Variants in SPATA31D1 observed in about 807,000 individuals in gnomAD.
SPATA31D1 encodes SPATA31 subfamily D member 1.
Under a neutral mutation model 13.2 loss-of-function variants are expected in SPATA31D1, and 6 were observed. The observed-to-expected ratio is 0.46, with a 90% CI of 0.25 to 0.90. The LOEUF is 0.90. Ranked by LOEUF, SPATA31D1 falls within the 40% of genes least tolerant of loss-of-function variation. The probability of loss-of-function intolerance (pLI) is 0.18; values close to 1 mark genes in which losing one functional copy is unlikely to be tolerated. For missense variants in SPATA31D1, 2,445 were observed against 1,884.7 expected (o/e 1.30, Z -5.50); for synonymous variants, 903 against 718.8 (o/e 1.26, Z -4.10).
Position 81,993,869 on chromosome 9 carries a change from C to T in SPATA31D1, c.3399C>T (p.Ser1133=), listed in dbSNP as rs369215127. 148 of 1,613,862 alleles carry T rather than the reference C, an allele frequency of 9.2e-5. No homozygotes were observed. Among genetic ancestry groups the T allele is most frequent in the Non-Finnish European group, 1.2e-4 (142 of 1,179,906 alleles). The change falls in exon 4 of 4, where the codon TCC becomes TCT. Residue 1133 remains serine (S), a synonymous_variant. Coordinates refer to ENST00000344803, the MANE Select transcript of SPATA31D1 (RefSeq NM_001001670.3). ...GCESWDKRKS[S]FHNVDRLQGS... ...AGTCATGGGATAAGAGAAAGAGTTC[C>T]TTTCATAATGTAGACAGGCTTCAGG...
rs1824934207 is a variant in SPATA31D1, at chr9:81,990,671, A to C, written c.303-102A>C. 4.2e-6 allele frequency: 6 copies of C among 1,444,850 alleles called. No individual in the cohort carries two copies. In the South Asian group the frequency reaches 6.7e-5, roughly 16 times the overall value. The allele number at this position is 1,444,850 out of a possible 1,614,324, so 89.5% of individuals were successfully genotyped here. A position where few individuals can be genotyped will look rare whatever the true frequency, so the allele number is the denominator to read the frequency against. On this transcript the variant is annotated intron_variant, in intron 3 of 3. Transcript: ENST00000344803. The stretch of plus-strand genomic sequence containing the variant: ...AGGTCATAGGACCTCATATACGGTG[A>C]GGTCCTGGGTTGGGGGCAATGTGAT...
At chr9:81,989,751 C>T (rs776356866) in intron 1 of SPATA31D1, 27 bp from the exon 2 acceptor site, 3 of 1,613,058 alleles carry the variant, frequency 1.9e-6, no homozygotes, top group Non-Finnish European at 2.5e-6. Flanking sequence ...GAGTCCCAGC[C>T]TGTCATTATC....
rs375859502 is a variant in SPATA31D1, at chr9:81,993,746, G to C, written c.3276G>C (p.Pro1092=). ...TEDGRQTFLP[P]PHSIVDEVSQ... is the part of the protein sequence containing the mutation. ...ATGGCAGACAGACTTTTCTGCCCCC[G>C]CCACACAGCATCGTAGACGAAGTCA... Residue 1092 remains proline, a synonymous_variant, in exon 4 of 4, where the codon CCG becomes CCC. Coordinates refer to ENST00000344803, the MANE Select transcript of SPATA31D1 (RefSeq NM_001001670.3). The C allele has an allele frequency of 6.2e-6, 10 of 1,613,816 alleles. No homozygotes were observed. The Admixed American group carries it at 1.3e-4, about 22-fold the overall frequency.
In SPATA31D1 at chr9:81,992,985, G is replaced by T; in HGVS notation, c.2515G>T (p.Glu839Ter). ...GACAGTACGTTTGAGCAAGAAATTTGAGGAAATCAATGAGGGTCGAATGCC... is the reference window on the plus strand; with the variant it reads ...GACAGTACGTTTGAGCAAGAAATTTTAGGAAATCAATGAGGGTCGAATGCC... ...ALTVRLSKKF[E>*]EINEGRMPGT... The change falls in exon 4 of 4, where the codon GAG becomes TAG. Residue 839 changes from glutamate to a stop codon, truncating the protein, a stop_gained. Transcript: ENST00000344803. LOFTEE classifies it low-confidence loss of function (END_TRUNC). 4 of 1,613,758 alleles carry T rather than the reference G, an allele frequency of 2.5e-6. No individual in the cohort carries two copies. The highest frequency in any genetic ancestry group is 3.4e-6 in the Non-Finnish European group (4 of 1,179,710).
Position 81,994,682 on chromosome 9 carries a change from A to C in SPATA31D1, c.4212A>C (p.Lys1404Asn). ...TTACTGGGACTACTGAAGCTCAGAAAATTAGGAAAGACACTAGGGAGTTCC... is the reference window on the plus strand; with the variant it reads ...TTACTGGGACTACTGAAGCTCAGAACATTAGGAAAGACACTAGGGAGTTCC... ...AAFTGTTEAQKIRKDTREFLE... is the reference protein window; with the variant it reads ...AAFTGTTEAQNIRKDTREFLE... Residue 1404 changes from lysine (K) to asparagine (N), a missense_variant, in exon 4 of 4, where the codon AAA (lysine) becomes AAC (asparagine). By Grantham distance (94) the Lys-to-Asn change is moderately conservative. Transcript: ENST00000344803. 6.2e-7 allele frequency: 1 copy of C among 1,613,732 alleles called. No individual in the cohort carries two copies. Among genetic ancestry groups the C allele is most frequent in the African/African-American group, 1.3e-5 (1 of 75,032 alleles).
chr9:81,993,467 G>C lies in SPATA31D1; in HGVS notation c.2997G>C (p.Gly999=). ...CACCTGTCGTCCAAGAAGGGCAGGG[G>C]ACCCTGAGAAGACAATTTTCTGATA... ...VSSPVVQEGQ[G]TLRRQFSDTD... The change falls in exon 4 of 4, where the codon GGG becomes GGC. Residue 999 remains glycine, a synonymous_variant. Transcript: ENST00000344803. 1 of 1,613,824 alleles carries C rather than the reference G, an allele frequency of 6.2e-7. No individual in the cohort carries two copies. Among genetic ancestry groups the C allele is most frequent in the South Asian group, 1.1e-5 (1 of 91,068 alleles).
At position 81,992,198 on chromosome 9, in the gene SPATA31D1, T is replaced by A. The variant is rs754082995; in HGVS notation, c.1728T>A (p.Thr576=). Residue 576 remains threonine, a synonymous_variant, in exon 4 of 4, where the codon ACT becomes ACA. Transcript: ENST00000344803. The part of the protein sequence containing the change: ...TLPQGQSPHL[T]QVKSLAQPQS... ...CCCAAGGTCAGTCCCCACATCTCAC[T>A]CAGGTGAAGTCCCTGGCTCAACCTC... 10 of 1,613,684 alleles carry A rather than the reference T, an allele frequency of 6.2e-6. No individual in the cohort carries two copies. The highest frequency in any genetic ancestry group is 8.5e-6 in the Non-Finnish European group (10 of 1,179,700).
At chr9:81,989,678 C>T in intron 1 of SPATA31D1, 100 bp from the exon 2 acceptor site, 1 of 1,286,954 alleles carries the variant, frequency 7.8e-7, no homozygotes, top group Non-Finnish European at 1.1e-6. Context: ...GAGTAATATT[C>T]TTGTATAATG....
chr9:81,992,799 C>T lies in SPATA31D1; in HGVS notation c.2329C>T (p.Gln777Ter). Reference protein sequence around the residue: ...ENVGNYQGYSQETVPKDHLLH... With the variant: ...ENVGNYQGYS ...TGTGGGGAATTATCAGGGATACAGCCAGGAGACTGTCCCAAAAGATCACCT... is the reference window on the plus strand; with the variant it reads ...TGTGGGGAATTATCAGGGATACAGCTAGGAGACTGTCCCAAAAGATCACCT... The change falls in exon 4 of 4, where the codon CAG becomes TAG. Residue 777 changes from glutamine (Q) to a stop codon, truncating the protein, a stop_gained. Transcript: ENST00000344803. LOFTEE classifies it low-confidence loss of function (END_TRUNC). 1 of 1,613,792 alleles carries T rather than the reference C, an allele frequency of 6.2e-7. No homozygotes were observed. The highest frequency in any genetic ancestry group is 8.5e-7 in the Non-Finnish European group (1 of 1,179,718).
rs768213675 is a variant in SPATA31D1, at chr9:81,989,835, C to G, written c.232+12C>G. On this transcript the variant is annotated intron_variant, in intron 2 of 3. Coordinates refer to ENST00000344803, the MANE Select transcript of SPATA31D1 (RefSeq NM_001001670.3). ...TGGGACATTCAAAGGTAATGTCAGC[C>G]TGCTCTATCTGAGCTTCAGGGGTGA... The G allele has an allele frequency of 6.2e-7, 1 of 1,613,284 alleles. No homozygotes were observed. Among genetic ancestry groups the G allele is most frequent in the South Asian group, 1.1e-5 (1 of 91,040 alleles).
Position 81,992,277 on chromosome 9 carries a change from G to A in SPATA31D1, c.1807G>A (p.Gly603Arg), listed in dbSNP as rs1365487715. 4 of 1,613,752 alleles carry A rather than the reference G, an allele frequency of 2.5e-6. No homozygotes were observed. Among genetic ancestry groups the A allele is most frequent in the South Asian group, 1.1e-5 (1 of 91,076 alleles). The change falls in exon 4 of 4, where the codon GGA (glycine) becomes AGA (arginine). Residue 603 changes from glycine (G) to arginine (R), a missense_variant. Transcript: ENST00000344803. ...PSPLFLIRIC[G>R]VCFHRPQNEA... ...TCCTCTATTCCTGATTAGGATCTGT[G>A]GAGTGTGTTTTCATAGACCCCAGAA...
In SPATA31D1 at chr9:81,991,651, C is replaced by T; in HGVS notation, c.1181C>T (p.Ser394Phe). Residue 394 changes from serine (S) to phenylalanine (F), a missense_variant, in exon 4 of 4, where the codon TCT (serine) becomes TTT (phenylalanine). Physicochemically the swap from Ser to Phe is radical, Grantham distance 155 (BLOSUM62 -2). Transcript: ENST00000344803. ...HSSEAFLGGHSVANLIEPVNI... is the reference protein window; with the variant it reads ...HSSEAFLGGHFVANLIEPVNI... ...TCTGAGGCCTTTTTAGGGGGGCACT[C>T]TGTGGCCAACCTCATAGAGCCTGTT... The T allele has an allele frequency of 6.2e-7, 1 of 1,613,988 alleles. No homozygotes were observed. The highest frequency in any genetic ancestry group is 8.5e-7 in the Non-Finnish European group (1 of 1,179,894).
rs1216090059 is a variant in SPATA31D1 at position 81,993,785 on chromosome 9, T to C, written c.3315T>C (p.Thr1105=). ...SIVDEVSQKQ[T]VLASRCSAEL... ...TAGACGAAGTCAGTCAGAAACAGAC[T>C]GTACTGGCCAGTAGATGCAGCGCAG... The change falls in exon 4 of 4, where the codon ACT becomes ACC. Residue 1105 remains threonine, a synonymous_variant. Transcript: ENST00000344803. The C allele has an allele frequency of 1.9e-6, 3 of 1,614,002 alleles. No individual in the cohort carries two copies. The highest frequency in any genetic ancestry group is 2.5e-6 in the Non-Finnish European group (3 of 1,179,892).
In SPATA31D1 at chr9:81,993,187, A is replaced by C; in HGVS notation, c.2717A>C (p.His906Pro). 3 of 1,613,996 alleles carry C rather than the reference A, an allele frequency of 1.9e-6. No individual in the cohort carries two copies. Among genetic ancestry groups the C allele is most frequent in the Non-Finnish European group, 2.5e-6 (3 of 1,179,884 alleles). Residue 906 changes from histidine to proline, a missense_variant, in exon 4 of 4, where the codon CAT (histidine) becomes CCT (proline). Coordinates refer to ENST00000344803, the MANE Select transcript of SPATA31D1 (RefSeq NM_001001670.3). ...AACAAACAAAAGATGTTGGAAGCCC[A>C]TATTAAAACTTTCCGTATGAGGATG... ...SSNKQKMLEA[H>P]IKTFRMRMLW...
Position 81,993,803 on chromosome 9 carries a change from C to G in SPATA31D1, c.3333C>G (p.Cys1111Trp). 3 of 1,614,022 alleles carry G rather than the reference C, an allele frequency of 1.9e-6. No individual in the cohort carries two copies. Among genetic ancestry groups the G allele is most frequent in the East Asian group, 2.2e-5 (1 of 44,868 alleles). Residue 1111 changes from cysteine (C) to tryptophan (W), a missense_variant, in exon 4 of 4, where the codon TGC becomes TGG. Physicochemically the swap from Cys to Trp is radical, Grantham distance 215. Transcript: ENST00000344803. ...AACAGACTGTACTGGCCAGTAGATG[C>G]AGCGCAGAGCTGCCCATAATGCAAG... ...SQKQTVLASR[C>W]SAELPIMQAG...
chr9:81,994,415 A>G lies in SPATA31D1; in HGVS notation c.3945A>G (p.Gln1315=), dbSNP rs181758073. The G allele has an allele frequency of 2.3e-5, 37 of 1,613,866 alleles. No individual in the cohort carries two copies. In the East Asian group the frequency reaches 3.6e-4, roughly 16 times the overall value. The change falls in exon 4 of 4, where the codon CAA becomes CAG. Residue 1315 remains glutamine (Q), a synonymous_variant. Transcript: ENST00000344803. ...DGGDAGLGTS[Q]RRRKSLPVHN... The stretch of plus-strand genomic sequence containing the variant: ...GGGATGCAGGGCTGGGGACATCCCA[A>G]CGCAGGAGAAAGAGCCTCCCTGTTC...
upstream of SPATA31D1, among the ~76,000 whole-genome samples, chr9:81,987,717 GT>G (rs1290271628): frequency 6.6e-6 from 1 of 152,030 alleles, no homozygotes; most frequent in Admixed American, 6.6e-5. Flanking sequence ...TGCATTATTA[GT>G]GAAACCATGC....
chr9:81,993,723 G>A lies in SPATA31D1; in HGVS notation c.3253G>A (p.Gly1085Ser), dbSNP rs770286829. The A allele has an allele frequency of 8.9e-5, 144 of 1,613,884 alleles. No homozygotes were observed. Among genetic ancestry groups the A allele is most frequent in the Middle Eastern group, 6.6e-4 (4 of 6,084 alleles). ...LTESVRTTED[G>S]RQTFLPPPHS... The stretch of plus-strand genomic sequence containing the variant: ...AGAAAGTGTCCGGACAACAGAGGAT[G>A]GCAGACAGACTTTTCTGCCCCCGCC... The change falls in exon 4 of 4, where the codon GGC becomes AGC. Residue 1085 changes from glycine to serine, a missense_variant. Transcript: ENST00000344803.
At chr9:81,987,780 A>G (rs1458004754), upstream of SPATA31D1, among the ~76,000 whole-genome samples, 1 of 152,204 alleles carries the variant, frequency 6.6e-6, no homozygotes, top group Non-Finnish European at 1.5e-5. Flanking sequence ...TTTACAGGAT[A>G]GGCGATTAAA....
Sources: gnomAD v4.1 joint callset for allele counts (sites outside exome capture counted in the v4.1 genomes callset) on GRCh38, gnomAD v4.1.1 for gene constraint, MANE v1.5 for transcripts, NCBI Gene and HGNC (gene_info 2026-07-23, HGNC 2026-07-21) for gene names.